ARFGEF3: variants seen among roughly 807,000 people sequenced by gnomAD.
ARFGEF3 encodes brefeldin A-inhibited guanine nucleotide-exchange protein 3.
In ARFGEF3, 96 loss-of-function variants were observed where a neutral mutation model predicts 221.7. The observed-to-expected ratio is 0.43, with a 90% confidence interval of 0.37 to 0.51. The LOEUF (loss-of-function observed/expected upper bound fraction) is 0.51, where lower values mean the gene tolerates loss of function less well. Ranked by LOEUF, ARFGEF3 falls within the 20% of genes least tolerant of loss-of-function variation. The probability of loss-of-function intolerance (pLI) is 0.00; values close to 1 mark genes in which losing one functional copy is unlikely to be tolerated. For missense variants in ARFGEF3, 2,410 were observed against 2,789.9 expected (o/e 0.86, Z 3.07); for synonymous variants, 1,145 against 1,126.8 (o/e 1.02, Z -0.32).
chr6:138,192,093 C>G (rs1777314555), intron 2 of ARFGEF3, among the ~76,000 whole-genome samples: 1 of 152,190 alleles, frequency 6.6e-6, no homozygotes, highest in South Asian at 2.1e-4. Flanking sequence ...TCAGTCTCCT[C>G]AGGGCAATGG....
rs1327085771 is a variant in ARFGEF3 at position 138,337,724 on chromosome 6, G to A, written c.*1238G>A. The A allele has an allele frequency of 1.3e-5, 2 of 151,972 alleles. No homozygotes were observed. Among genetic ancestry groups the A allele is most frequent in the Non-Finnish European group, 2.9e-5 (2 of 68,002 alleles). The allele number at this position is 151,972 out of a possible 1,614,324, so 9.4% of individuals were successfully genotyped here. Reference sequence around the variant, plus strand: ...TTGCATTCAGACCAATATTTCAGGTGGATATTTCTAAGTATTACTAGAAAA... The same window carrying A: ...TTGCATTCAGACCAATATTTCAGGTAGATATTTCTAAGTATTACTAGAAAA... On this transcript the variant is annotated 3_prime_UTR_variant, in exon 34 of 34. Transcript: ENST00000251691.
intron 12 of ARFGEF3, 50 bp from the exon 13 acceptor site, chr6:138,278,401 G>A: frequency 6.3e-7 from 1 of 1,576,434 alleles, no homozygotes; most frequent in South Asian, 1.1e-5. Flanking sequence ...AGCCAGCCTT[G>A]CCAAGCACAC....
In ARFGEF3 at chr6:138,255,729, C is replaced by A. The variant is rs200706886; in HGVS notation, c.1064C>A (p.Pro355Gln). The stretch of plus-strand genomic sequence containing the variant: ...TACCACCGAGTGCTGCTCTACCCCC[C>A]ACCCCAGCACCGGGTGGAAGCCATC... ...SLYHRVLLYP[P>Q]PQHRVEAIKI... is the part of the protein sequence containing the mutation. The change falls in exon 10 of 34, where the codon CCA becomes CAA. Residue 355 changes from proline (P) to glutamine (Q), a missense_variant. Physicochemically the swap from Pro to Gln is moderately conservative, Grantham distance 76. This residue lies in a region of ARFGEF3 where 570 missense variants were observed against 586.9 expected (regional missense o/e 0.97). Coordinates refer to ENST00000251691, the MANE Select transcript of ARFGEF3 (RefSeq NM_020340.5). The A allele has an allele frequency of 1.1e-5, 18 of 1,596,838 alleles. No individual in the cohort carries two copies. Among genetic ancestry groups the A allele is most frequent in the South Asian group, 6.7e-5 (6 of 89,672 alleles).
At position 138,332,828 on chromosome 6, in the gene ARFGEF3, C is replaced by T. The variant is rs180771594; in HGVS notation, c.5124-1142C>T. Among the ~76,000 whole-genome samples the T allele has an allele frequency of 3.2e-4, 49 of 152,286 alleles. No homozygotes were observed. In the East Asian group the frequency reaches 8.1e-3, roughly 25 times the overall value. ...TTAAAAGGTTACTGTTTTCGAATGA[C>T]AGTCCTTTGTTACTCATTTCATCTT... On this transcript the variant is annotated intron_variant, in intron 32 of 33. Transcript: ENST00000251691.
At chr6:138,332,458 C>A (rs567836747) in intron 32 of ARFGEF3, among the ~76,000 whole-genome samples, 2 of 152,246 alleles carry the variant, frequency 1.3e-5, no homozygotes, top group East Asian at 3.9e-4. Context: ...ATCAGGGGGA[C>A]AGACTTGTTT....
At chr6:138,185,225 G>A (rs966401372) in intron 2 of ARFGEF3, among the ~76,000 whole-genome samples, 2 of 152,206 alleles carry the variant, frequency 1.3e-5, no homozygotes, top group Non-Finnish European at 2.9e-5. Flanking sequence ...AGCTATAGCT[G>A]TTTGCAGCTG....
At chr6:138,243,957 T>G (rs559204254) in intron 7 of ARFGEF3, among the ~76,000 whole-genome samples, 1 of 152,308 alleles carries the variant, frequency 6.6e-6, no homozygotes, top group African/African-American at 2.4e-5. Context: ...ATGTTCCATC[T>G]TCCTTTCCTC....
In ARFGEF3 at chr6:138,313,932, T is replaced by C; in HGVS notation, c.4338T>C (p.Asp1446=). 1 of 1,613,796 alleles carries C rather than the reference T, an allele frequency of 6.2e-7. No individual in the cohort carries two copies. ...GIESVLSDFD[D]DTGLIEVWII... is the part of the protein sequence containing the mutation. Reference sequence around the variant, plus strand: ...AATCAGTCCTGTCTGATTTTGATGATGACACCGGTAAGCTAATTGATTGGA... The same window carrying C: ...AATCAGTCCTGTCTGATTTTGATGACGACACCGGTAAGCTAATTGATTGGA... The change falls in exon 26 of 34, where the codon GAT becomes GAC. Residue 1446 remains aspartate, a synonymous_variant. Transcript: ENST00000251691.
chr6:138,207,351 GTGGACCT>G (rs1288996271), intron 3 of ARFGEF3, among the ~76,000 whole-genome samples: 10 of 152,286 alleles, frequency 6.6e-5, no homozygotes, highest in African/African-American at 2.2e-4. Context: ...ACTGATTCAT[GTGGACCT>G]AGCTAAGCCC....
chr6:138,197,744 G>A (rs1777457021), intron 2 of ARFGEF3, among the ~76,000 whole-genome samples: 1 of 152,186 alleles, frequency 6.6e-6, no homozygotes, highest in Admixed American at 6.5e-5. Context: ...GGGATCAAGT[G>A]CCTGAGCTCT....
chr6:138,287,626 G>A (rs1311509725), intron 17 of ARFGEF3, among the ~76,000 whole-genome samples: 1 of 152,162 alleles, frequency 6.6e-6, no homozygotes, highest in Non-Finnish European at 1.5e-5. Flanking sequence ...TCTTATCAGA[G>A]AAAAATCTGA....
chr6:138,309,559 T>G (rs1262401407), intron 24 of ARFGEF3, among the ~76,000 whole-genome samples: 1 of 152,194 alleles, frequency 6.6e-6, no homozygotes, highest in Non-Finnish European at 1.5e-5. Context: ...GGGCAATTAT[T>G]TAATATAATA....
chr6:138,168,151 A>G (rs1023461873), intron 1 of ARFGEF3, among the ~76,000 whole-genome samples: 1 of 152,248 alleles, frequency 6.6e-6, no homozygotes, highest in African/African-American at 2.4e-5. Flanking sequence ...ACATGCAAAA[A>G]GATCCAAGAG....
chr6:138,244,503 A>G (rs1362716877), intron 7 of ARFGEF3, among the ~76,000 whole-genome samples: 4 of 152,234 alleles, frequency 2.6e-5, no homozygotes, highest in African/African-American at 7.2e-5. Flanking sequence ...AAGCTCACAC[A>G]ATCAGCAGTT....
At chr6:138,207,177 C>A (rs1777639815) in intron 3 of ARFGEF3, 54 bp downstream of exon 3, 1 of 1,387,068 alleles carries the variant, frequency 7.2e-7, no homozygotes, top group South Asian at 1.2e-5. Context: ...GCCACTTTGG[C>A]ATTGAAAGGG....
At chr6:138,239,751 A>G (rs536610269) in intron 6 of ARFGEF3, among the ~76,000 whole-genome samples, 1 of 151,996 alleles carries the variant, frequency 6.6e-6, no homozygotes, top group Non-Finnish European at 1.5e-5. Context: ...AACCTCAACT[A>G]TTTGTAATTA....
At chr6:138,261,415 TAC>T in intron 10 of ARFGEF3, 110 bp from the exon 11 acceptor site, 1 of 601,442 alleles carries the variant, frequency 1.7e-6, no homozygotes. Context: ...TTTCTCCTTA[TAC>T]TATATCACTC....
At position 138,253,954 on chromosome 6, in the gene ARFGEF3, A is replaced by G; in HGVS notation, c.740A>G (p.His247Arg). The change falls in exon 9 of 34, where the codon CAC (histidine) becomes CGC (arginine). Residue 247 changes from histidine to arginine, a missense_variant. Physicochemically the swap from His to Arg is conservative, Grantham distance 29. Coordinates refer to ENST00000251691, the MANE Select transcript of ARFGEF3 (RefSeq NM_020340.5). ...CTCAGCAGCTCCTCCTCCTCCATGC[A>G]CCTGCACAGGCGCTTCACGGACCTG... Reference protein sequence around the residue: ...SVLSSSSSSMHLHRRFTDLIW... With the variant: ...SVLSSSSSSMRLHRRFTDLIW... 6.3e-7 allele frequency: 1 copy of G among 1,596,342 alleles called. No homozygotes were observed. The highest frequency in any genetic ancestry group is 8.5e-7 in the Non-Finnish European group (1 of 1,171,940).
chr6:138,244,997 T>C (rs543772912), intron 7 of ARFGEF3, among the ~76,000 whole-genome samples: 2 of 152,320 alleles, frequency 1.3e-5, no homozygotes, highest in African/African-American at 4.8e-5. Context: ...TTTGCGTGTT[T>C]TGCTTTAGAA....
Sources: allele counts gnomAD v4.1 joint callset (sites outside exome capture counted in the v4.1 genomes callset), GRCh38; gene constraint gnomAD v4.1.1; regional missense constraint gnomAD v4.1.1; transcripts MANE v1.5; gene names NCBI Gene and HGNC (gene_info 2026-07-23, HGNC 2026-07-21).